SPTBN5: variants seen among roughly 807,000 people sequenced by gnomAD.
The protein encoded by SPTBN5 is spectrin beta, non-erythrocytic 5, also known as spectrin beta chain, non-erythrocytic 5.
A neutral mutation model predicts 477.6 loss-of-function variants in SPTBN5; 513 were observed. The observed-to-expected ratio is 1.07, with a 90% CI of 1.00 to 1.16. SPTBN5 has a LOEUF of 1.16. Among genes scored for constraint, SPTBN5 ranks in the 50% most tolerant of loss-of-function variants. The pLI is 0.00. For missense variants in SPTBN5, 5,062 were observed against 4,731.8 expected (o/e 1.07, Z -2.05); for synonymous variants, 2,169 against 2,011.7 (o/e 1.08, Z -2.09).
At chr15:41,889,587 T>G (rs2067250383) in intron 4 of SPTBN5, among the ~76,000 whole-genome samples, 1 of 152,060 alleles carries the variant, frequency 6.6e-6, no homozygotes, top group Non-Finnish European at 1.5e-5. Flanking sequence ...GTTTATAGTC[T>G]TTCTGATCCA....
At chr15:41,855,873 C>A in intron 53 of SPTBN5, 128 bp from the exon 54 acceptor site, 1 of 1,014,544 alleles carries the variant, frequency 9.9e-7, no homozygotes, top group Non-Finnish European at 1.4e-6. Context: ...TCAGCCTGGC[C>A]CCACTCCTAA....
rs974823832 is a variant in SPTBN5, at chr15:41,865,962, C to T, written c.6823-59G>A. ...GAGCACCAGCCCAGGCTCCTGGCAC[C>T]TGCTGCTGGGGATCCCTCCTGTCAA... On this transcript the variant is annotated intron_variant, in intron 38 of 67. Transcript: ENST00000320955. The T allele has an allele frequency of 1.5e-5, 23 of 1,546,192 alleles. No homozygotes were observed. In the African/African-American group the frequency reaches 3.0e-4, roughly 20 times the overall value.
Position 41,852,181 on chromosome 15 carries a change from C to T in SPTBN5, c.10584+1G>A, listed in dbSNP as rs754651539. 1 of 1,588,180 alleles carries T rather than the reference C, an allele frequency of 6.3e-7. No individual in the cohort carries two copies. The highest frequency in any genetic ancestry group is 1.7e-5 in the Admixed American group (1 of 58,574). The stretch of plus-strand genomic sequence containing the variant: ...GCCTGCAGCCCCATAGGGACACCTG[C>T]CTGGGGGTCCCTCGTCTCAGCCAGC... On this transcript the variant is annotated splice_donor_variant, in intron 62 of 67. Coordinates refer to ENST00000320955, the MANE Select transcript of SPTBN5 (RefSeq NM_016642.4). LOFTEE classifies it high-confidence loss of function.
At chr15:41,862,753 AGATGC>A in intron 42 of SPTBN5, 32 bp downstream of exon 42, 3 of 1,548,334 alleles carry the variant, frequency 1.9e-6, no homozygotes, top group Non-Finnish European at 2.6e-6. Flanking sequence ...CCTACTCAGG[AGATGC>A]CCTGGGCCCA....
intron 6 of SPTBN5, among the ~76,000 whole-genome samples, chr15:41,886,733 C>T (rs1334403392): frequency 6.6e-6 from 1 of 152,222 alleles, no homozygotes; most frequent in African/African-American, 2.4e-5. Flanking sequence ...CTGTGTCACC[C>T]CCACCCACAC....
At chr15:41,866,725 G>A (rs2066330319) in intron 36 of SPTBN5, among the ~76,000 whole-genome samples, 1 of 152,192 alleles carries the variant, frequency 6.6e-6, no homozygotes, top group Non-Finnish European at 1.5e-5. Context: ...GGGGCCCTGG[G>A]CTGCTCTGCT....
rs2065617625 is a variant in SPTBN5, at chr15:41,848,148, A to G, written c.*468T>C. On this transcript the variant is annotated 3_prime_UTR_variant, in exon 68 of 68. Coordinates refer to ENST00000320955, the MANE Select transcript of SPTBN5 (RefSeq NM_016642.4). ...TACATCACAGACTCATACAAATGTG[A>G]GGCGCTGAGACCATCTGTTATTACT... 1.6e-5 allele frequency: 9 copies of G among 552,854 alleles called. No individual in the cohort carries two copies. The highest frequency in any genetic ancestry group is 2.9e-5 in the Non-Finnish European group (9 of 308,682). The allele number at this position is 552,854 out of a possible 1,614,324, so 34.2% of individuals were successfully genotyped here. A position where few individuals can be genotyped will look rare whatever the true frequency, so the allele number is the denominator to read the frequency against.
At chr15:41,873,771 A>C in intron 25 of SPTBN5, 74 bp downstream of exon 25, 3 of 1,574,128 alleles carry the variant, frequency 1.9e-6, no homozygotes, top group Non-Finnish European at 2.6e-6. Flanking sequence ...CGCCTCCCTG[A>C]GAGTCCCACA....
chr15:41,861,247 T>C (rs929824534), intron 46 of SPTBN5, among the ~76,000 whole-genome samples, 172 bp downstream of exon 46: 1 of 152,220 alleles, frequency 6.6e-6, no homozygotes, highest in Non-Finnish European at 1.5e-5. Context: ...GCATGGGAAC[T>C]GCTCTAGATG....
chr15:41,858,878 A>C lies in SPTBN5; in HGVS notation c.8079+12T>G, dbSNP rs756499156. On this transcript the variant is annotated intron_variant, in intron 48 of 67. Transcript: ENST00000320955. Reference sequence around the variant, plus strand: ...CCCACCATGACCGCCTCCCTCTCCAAGCGAGGCGAACCTCCTGGGAGTCCT... The same window carrying C: ...CCCACCATGACCGCCTCCCTCTCCACGCGAGGCGAACCTCCTGGGAGTCCT... The C allele has an allele frequency of 1.9e-6, 3 of 1,569,618 alleles. No individual in the cohort carries two copies. Among genetic ancestry groups the C allele is most frequent in the Non-Finnish European group, 2.6e-6 (3 of 1,155,510 alleles).
chr15:41,860,467 C>A, intron 47 of SPTBN5, 119 bp downstream of exon 47: 1 of 1,169,832 alleles, frequency 8.5e-7, no homozygotes, highest in Non-Finnish European at 1.1e-6. Flanking sequence ...TGACCTCAGT[C>A]CTTGGACAAG....
intron 67 of SPTBN5, among the ~76,000 whole-genome samples, chr15:41,849,620 G>C (rs2065681157): frequency 1.3e-5 from 2 of 152,110 alleles, no homozygotes; most frequent in South Asian, 2.1e-4. Flanking sequence ...TCGTCTACAG[G>C]GTCCCCACAC....
intron 49 of SPTBN5, 86 bp from the exon 50 acceptor site, chr15:41,857,796 A>G: frequency 6.8e-7 from 1 of 1,463,190 alleles, no homozygotes; most frequent in South Asian, 1.3e-5. Context: ...CCAGCACTAG[A>G]GCTGCAGAGT....
chr15:41,861,359 T>C (rs558748079), intron 46 of SPTBN5, 60 bp downstream of exon 46: 2 of 1,473,042 alleles, frequency 1.4e-6, no homozygotes, highest in South Asian at 1.1e-5. Flanking sequence ...ACTGGCTGGT[T>C]TGACCCCTAA....
chr15:41,856,747 G>A, intron 52 of SPTBN5, 106 bp downstream of exon 52: 9 of 1,358,188 alleles, frequency 6.6e-6, no homozygotes, highest in Non-Finnish European at 8.9e-6. Context: ...CATCCCAAAA[G>A]CCCCCACAGG....
Position 41,866,192 on chromosome 15 carries a change from G to C in SPTBN5, c.6668C>G (p.Ala2223Gly). 1 of 1,580,650 alleles carries C rather than the reference G, an allele frequency of 6.3e-7. No homozygotes were observed. Among genetic ancestry groups the C allele is most frequent in the East Asian group, 2.3e-5 (1 of 43,530 alleles). ...EALLAQSHPRAGEVSQRLQGL... is the reference protein window; with the variant it reads ...EALLAQSHPRGGEVSQRLQGL... ...CTGCAGCCGCTGGGAGACCTCTCCG[G>C]CTCGAGGGTGACTCTGTGCCAGGAG... The change falls in exon 38 of 68, where the codon GCC becomes GGC. Residue 2223 changes from alanine (A) to glycine (G), a missense_variant. Ala to Gly is a moderately conservative substitution (Grantham distance 60, BLOSUM62 0). Transcript: ENST00000320955.
At chr15:41,851,728 G>A (rs369302502) in intron 63 of SPTBN5, 51 bp downstream of exon 63, 2 of 1,422,096 alleles carry the variant, frequency 1.4e-6, no homozygotes, top group East Asian at 2.3e-5. Flanking sequence ...AGCCACTCAA[G>A]TGCTGCTGCA....
At position 41,855,629 on chromosome 15, in the gene SPTBN5, T is replaced by C; in HGVS notation, c.9138A>G (p.Arg3046=). Residue 3046 remains arginine, a synonymous_variant, in exon 54 of 68, where the codon AGA becomes AGG. Transcript: ENST00000320955. ...TGCGTGGGCTGAACGCTTCCAGGTC[T>C]CTCTTGGTGGCCTCCAGCCGCCGCA... ...ALLRRLEATK[R]DLEAFSPRIE... is the part of the protein sequence containing the mutation. 6.2e-7 allele frequency: 1 copy of C among 1,610,422 alleles called. No individual in the cohort carries two copies. The highest frequency in any genetic ancestry group is 8.5e-7 in the Non-Finnish European group (1 of 1,179,552).
chr15:41,849,726 G>A, intron 67 of SPTBN5, 143 bp downstream of exon 67: 1 of 653,622 alleles, frequency 1.5e-6, no homozygotes, highest in Non-Finnish European at 2.7e-6. Context: ...AGTGGGCAGG[G>A]GCAGCTGAGG....
Sources: allele counts gnomAD v4.1 joint callset (sites outside exome capture counted in the v4.1 genomes callset), GRCh38; gene constraint gnomAD v4.1.1; transcripts MANE v1.5; gene names NCBI Gene and HGNC (gene_info 2026-07-23, HGNC 2026-07-21).